Variants in FAM217A observed in about 807,000 individuals in gnomAD.
FAM217A encodes family with sequence similarity 217 member A.
A neutral mutation model predicts 18.5 loss-of-function variants in FAM217A; 13 were observed. The observed-to-expected ratio is 0.70, with a 90% confidence interval of 0.46 to 1.12. The LOEUF (loss-of-function observed/expected upper bound fraction) is 1.12, where lower values mean the gene tolerates loss of function less well. Ranked by LOEUF, FAM217A falls within the 50% of genes most tolerant of loss-of-function variation. The probability of loss-of-function intolerance (pLI) is 0.00; values close to 1 mark genes in which losing one functional copy is unlikely to be tolerated. For missense variants in FAM217A, 560 were observed against 575.4 expected (o/e 0.97, Z 0.27); for synonymous variants, 161 against 202.8 (o/e 0.79, Z 1.75).
At chr6:4,070,627 T>A (rs1202082584) in intron 6 of FAM217A, among the ~76,000 whole-genome samples, 1 of 152,236 alleles carries the variant, frequency 6.6e-6, no homozygotes, top group Non-Finnish European at 1.5e-5. Flanking sequence ...GATGCATTAG[T>A]TGACATATAG....
upstream of FAM217A, chr6:4,079,175 C>A: frequency 3.1e-6 from 1 of 318,774 alleles, no homozygotes; most frequent in Non-Finnish European, 5.7e-6. Context: ...AGCGGGGGCG[C>A]CCGGGGAGGC....
chr6:4,083,555 T>C (rs547089919), upstream of FAM217A, among the ~76,000 whole-genome samples: 8 of 147,818 alleles, frequency 5.4e-5, no homozygotes, highest in Admixed American at 5.3e-4. Context: ...TTCTTTTCTT[T>C]TCTTTTTTTT....
chr6:4,068,482 A>C lies in FAM217A; in HGVS notation c.*214T>G, dbSNP rs593291. 307,403 of 438,072 alleles carry C rather than the reference A, an allele frequency of 0.7. 109,967 individuals carry two copies. Among genetic ancestry groups the C allele is most frequent in the Middle Eastern group, 0.82 (1,383 of 1,688 alleles). 27.1% of individuals were successfully genotyped at this position (438,072 alleles called of 1,614,324 possible). A position where few individuals can be genotyped will look rare whatever the true frequency, so the allele number is the denominator to read the frequency against. ...CATTTACTTGAAACACAACATGCAA[A>C]AGATTGTGAAATATGTCAGTATAGA... On this transcript the variant is annotated 3_prime_UTR_variant, in exon 7 of 7. Coordinates refer to ENST00000274673, the MANE Select transcript of FAM217A (RefSeq NM_173563.3).
rs752163000 is a variant in FAM217A at position 4,069,197 on chromosome 6, C to CT, written c.1025dup (p.Ile343AspfsTer6). On this transcript the variant is annotated frameshift_variant, in exon 7 of 7. Coordinates refer to ENST00000274673, the MANE Select transcript of FAM217A (RefSeq NM_173563.3). LOFTEE classifies it low-confidence loss of function (END_TRUNC). ...CTTGACTTTTATCTACACAAGGTATCTGAAGACTCAAAGAGTCGCAAAGTT... is the reference window on the plus strand; with the variant it reads ...CTTGACTTTTATCTACACAAGGTATCTTGAAGACTCAAAGAGTCGCAAAGTT... 6.2e-7 allele frequency: 1 copy of CT among 1,604,234 alleles called. No homozygotes were observed. The highest frequency in any genetic ancestry group is 8.5e-7 in the Non-Finnish European group (1 of 1,174,410).
At chr6:4,077,203 G>T (rs763864938) in intron 2 of FAM217A, 152 bp downstream of exon 2, 4 of 634,888 alleles carry the variant, frequency 6.3e-6, no homozygotes, top group Non-Finnish European at 1.1e-5. Flanking sequence ...ATTTCCATTT[G>T]CTGTTCCAAA....
chr6:4,069,799 C>T lies in FAM217A; in HGVS notation c.424G>A (p.Gly142Arg), dbSNP rs764894844. 1.9e-6 allele frequency: 3 copies of T among 1,614,134 alleles called. No individual in the cohort carries two copies. In the East Asian group the frequency reaches 6.7e-5, roughly 36 times the overall value. ...CAGAGACCTAATGGCATTGGCAGTC[C>T]AGGGTAAGGACCAACTTGCTTATCA... is the stretch of plus-strand genomic sequence containing the variant. ...SVDKQVGPYP[G>R]LPMPLGLCWP... The change falls in exon 7 of 7, where the codon GGA (glycine) becomes AGA (arginine). Residue 142 changes from glycine to arginine, a missense_variant. By Grantham distance (125) the Gly-to-Arg change is moderately radical. Coordinates refer to ENST00000274673, the MANE Select transcript of FAM217A (RefSeq NM_173563.3).
At chr6:4,079,439 C>T (rs1034878708), upstream of FAM217A, 12 of 348,862 alleles carry the variant, frequency 3.4e-5, no homozygotes, top group Admixed American at 3.6e-4. Context: ...CCTCCCGGGC[C>T]TTCTCGGGCC....
chr6:4,073,559 TTGTTCTAACAA>T (rs1284867526), intron 4 of FAM217A, 52 bp from the exon 5 acceptor site: 1 of 1,425,112 alleles, frequency 7.0e-7, no homozygotes, highest in Non-Finnish European at 9.8e-7. Flanking sequence ...TTCCCTATTC[TTGTTCTAACAA>T]TGTATAGTTC....
upstream of FAM217A, among the ~76,000 whole-genome samples, chr6:4,083,465 T>G (rs1353516931): frequency 5.3e-5 from 8 of 152,232 alleles, no homozygotes; most frequent in African/African-American, 1.9e-4. Flanking sequence ...GCATTTGTCC[T>G]CATCTTCCTT....
chr6:4,085,957 T>C (rs1248783660), intron 1 of FAM217A, among the ~76,000 whole-genome samples: 2 of 149,784 alleles, frequency 1.3e-5, no homozygotes, highest in Non-Finnish European at 3.0e-5. Context: ...AAAAGAAAAA[T>C]AACAAAAATT....
At chr6:4,071,157 G>A (rs2113858314) in intron 6 of FAM217A, among the ~76,000 whole-genome samples, 1 of 152,232 alleles carries the variant, frequency 6.6e-6, no homozygotes, top group African/African-American at 2.4e-5. Context: ...GAAAGGGAGG[G>A]CCTAGGTTTG....
intron 1 of FAM217A, among the ~76,000 whole-genome samples, chr6:4,086,201 C>A (rs1269126664): frequency 6.6e-6 from 1 of 151,324 alleles, no homozygotes; most frequent in Non-Finnish European, 1.5e-5. Flanking sequence ...AAACCCAGCA[C>A]TTTGGGAGGC....
rs766177907 is a variant in FAM217A at position 4,069,368 on chromosome 6, G to A, written c.855C>T (p.His285=). ...CTAGTTCCAGTAAACGAGTTATCAAGTGTTCAACAGAGGTTTCTGCAGGGT... is the reference window on the plus strand; with the variant it reads ...CTAGTTCCAGTAAACGAGTTATCAAATGTTCAACAGAGGTTTCTGCAGGGT... ...TVDPAETSVE[H]LITRLLELER... The change falls in exon 7 of 7, where the codon CAC becomes CAT. Residue 285 remains histidine (H), a synonymous_variant. Coordinates refer to ENST00000274673, the MANE Select transcript of FAM217A (RefSeq NM_173563.3). 5 of 1,614,094 alleles carry A rather than the reference G, an allele frequency of 3.1e-6. No homozygotes were observed. The highest frequency in any genetic ancestry group is 4.2e-6 in the Non-Finnish European group (5 of 1,180,010).
In FAM217A at chr6:4,074,797, T is replaced by C. The variant is rs111982245; in HGVS notation, c.61-136A>G. On this transcript the variant is annotated intron_variant, in intron 2 of 6. Transcript: ENST00000274673. ...CTCTCACCCCTCATTATAAAGAACT[T>C]ATCAGCATCTTTGAGGAGAAAGCAA... The C allele has an allele frequency of 8.0e-5, 51 of 634,302 alleles. 1 individual carries two copies. In the African/African-American group the frequency reaches 8.1e-4, roughly 10 times the overall value. 39.3% of individuals were successfully genotyped at this position (634,302 alleles called of 1,614,324 possible).
At chr6:4,076,020 C>A (rs1769768490) in intron 2 of FAM217A, among the ~76,000 whole-genome samples, 1 of 151,970 alleles carries the variant, frequency 6.6e-6, no homozygotes, top group Non-Finnish European at 1.5e-5. Flanking sequence ...TGCTGCAAAT[C>A]CTGATTTTAA....
upstream of FAM217A, among the ~76,000 whole-genome samples, chr6:4,079,912 C>T (rs1264198849): frequency 6.6e-6 from 1 of 151,754 alleles, no homozygotes; most frequent in African/African-American, 2.4e-5. Flanking sequence ...TTTTGTACCC[C>T]GAAATGCATA....
In FAM217A at chr6:4,073,335, TTAC is replaced by T; in HGVS notation, c.239_241del (p.Ser80del). 1 of 1,609,602 alleles carries T rather than the reference TTAC, an allele frequency of 6.2e-7. No homozygotes were observed. The highest frequency in any genetic ancestry group is 8.5e-7 in the Non-Finnish European group (1 of 1,178,648). ...ATTCCATAATTGAAAGATCCCTTGT[TTAC>T]TATTCTGATGACAGAAAAATAATGG... On this transcript the variant is annotated inframe_deletion, in exon 6 of 7. Transcript: ENST00000274673.
At chr6:4,071,834 G>A (rs1208179564) in intron 6 of FAM217A, among the ~76,000 whole-genome samples, 4 of 152,052 alleles carry the variant, frequency 2.6e-5, no homozygotes, top group Non-Finnish European at 4.4e-5. Context: ...TCTCTGACTA[G>A]GAGATGGCTG....
intron 1 of FAM217A, among the ~76,000 whole-genome samples, 199 bp from the exon 2 acceptor site, chr6:4,077,647 G>A (rs1769921824): frequency 6.6e-6 from 1 of 150,874 alleles, no homozygotes; most frequent in Non-Finnish European, 1.5e-5. Flanking sequence ...AAGGAGCACA[G>A]ACAACAGCAA....
Sources: allele counts gnomAD v4.1 joint callset (sites outside exome capture counted in the v4.1 genomes callset), GRCh38; gene constraint gnomAD v4.1.1; transcripts MANE v1.5; gene names NCBI Gene and HGNC (gene_info 2026-07-23, HGNC 2026-07-21).